MED12L: variants seen among roughly 807,000 people sequenced by gnomAD.
MED12L encodes the protein mediator of RNA polymerase II transcription subunit 12-like protein.
MED12L carries 60 observed loss-of-function variants against 281.3 expected under a neutral mutation model. The observed-to-expected ratio is 0.21, with a 90% CI of 0.17 to 0.26. The LOEUF (loss-of-function observed/expected upper bound fraction) is 0.26. MED12L is among the 10% of genes least tolerant of loss of function. MED12L has a pLI of 1.00. For missense variants in MED12L, 2,146 were observed against 2,680.9 expected (o/e 0.80, Z 4.41); for synonymous variants, 974 against 987.2 (o/e 0.99, Z 0.25).
At chr3:151,294,611 C>T (rs766974525) in intron 16 of MED12L, 1 of 1,614,184 alleles carries the variant, frequency 6.2e-7, no homozygotes, top group South Asian at 1.1e-5. Flanking sequence ...AAACAAGCAG[C>T]TGTTCACATA....
At chr3:151,162,656 T>A (rs1471962609) in intron 8 of MED12L, among the ~76,000 whole-genome samples, 2 of 151,760 alleles carry the variant, frequency 1.3e-5, no homozygotes, top group African/African-American at 4.8e-5. Context: ...CTAGGCTGGT[T>A]TCAAGCTCCT....
chr3:151,179,684 C>T (rs1243337679), intron 11 of MED12L, among the ~76,000 whole-genome samples: 1 of 152,228 alleles, frequency 6.6e-6, no homozygotes, highest in Non-Finnish European at 1.5e-5. Context: ...GGATTTACTG[C>T]TGGTCATGCA....
At chr3:151,368,292 T>A in intron 25 of MED12L, 41 bp downstream of exon 25, 1 of 1,547,512 alleles carries the variant, frequency 6.5e-7, no homozygotes, top group African/African-American at 1.4e-5. Flanking sequence ...TTTTCATTGG[T>A]AGCTAAAGTT....
intron 2 of MED12L, among the ~76,000 whole-genome samples, chr3:151,114,063 C>T (rs897259091): frequency 3.9e-5 from 6 of 152,174 alleles, no homozygotes; most frequent in African/African-American, 1.4e-4. Flanking sequence ...GCTGGTACTC[C>T]TACTTTCTTA....
At chr3:151,325,876 T>C (rs537328527) in intron 16 of MED12L, among the ~76,000 whole-genome samples, 69 of 152,320 alleles carry the variant, frequency 4.5e-4, no homozygotes, top group Middle Eastern at 6.8e-3. Flanking sequence ...ATTTACATGA[T>C]TATAGTCTAT....
intron 5 of MED12L, among the ~76,000 whole-genome samples, chr3:151,152,570 C>G (rs560836821): frequency 5.3e-5 from 8 of 152,220 alleles, no homozygotes; most frequent in Admixed American, 4.6e-4. Context: ...CTATCAGTTT[C>G]CTTTCTACTG....
intron 16 of MED12L, among the ~76,000 whole-genome samples, chr3:151,310,070 A>G (rs1390335211): frequency 6.6e-6 from 1 of 152,174 alleles, no homozygotes; most frequent in African/African-American, 2.4e-5. Flanking sequence ...ACATTTCTGA[A>G]TAGCTCACTG....
chr3:151,435,062 C>CTTTTTTT lies in MED12L; in HGVS notation c.*2272_*2278dup, dbSNP rs66791814. On this transcript the variant is annotated 3_prime_UTR_variant, in exon 45 of 45. Coordinates refer to ENST00000687756, the MANE Select transcript of MED12L (RefSeq NM_001393769.1). ...GTTAATTCTGTATCTTGAGAGGTTT[C>CTTTTTTT]TTTTTTTTTTTTTTTTTTTTCTTTT... 2.5e-3 allele frequency: 297 copies of CTTTTTTT among 118,882 alleles called. 1 individual carries two copies. The highest frequency in any genetic ancestry group is 3.9e-3 in the Non-Finnish European group (222 of 57,114). 7.4% of individuals were successfully genotyped at this position (118,882 alleles called of 1,614,324 possible). A position where few individuals can be genotyped will look rare whatever the true frequency, so the allele number is the denominator to read the frequency against.
intron 16 of MED12L, among the ~76,000 whole-genome samples, chr3:151,279,182 T>C (rs1307026449): frequency 6.6e-6 from 1 of 152,228 alleles, no homozygotes; most frequent in Non-Finnish European, 1.5e-5. Context: ...GACAAGGGGC[T>C]GAAAAGCTTA....
chr3:151,177,067 A>G (rs1181324801), intron 11 of MED12L, among the ~76,000 whole-genome samples: 1 of 152,240 alleles, frequency 6.6e-6, no homozygotes, highest in African/African-American at 2.4e-5. Context: ...GTGATATCAT[A>G]TGAGCATCTG....
chr3:151,299,401 C>CTTTTCTTTTCTTTTCT (rs1559999722), intron 16 of MED12L, among the ~76,000 whole-genome samples: 4 of 7,200 alleles, frequency 5.6e-4, no homozygotes, highest in East Asian at 5.3e-3. Context: ...TTTTCTTTTC[C>CTTTTCTTTTCTTTTCT]CCTCCCCTCC....
intron 39 of MED12L, among the ~76,000 whole-genome samples, chr3:151,408,821 T>C (rs1199960547): frequency 2.0e-5 from 3 of 152,236 alleles, no homozygotes; most frequent in Admixed American, 2.0e-4. Flanking sequence ...GAAGCTTCAT[T>C]AAAAAGTCAT....
chr3:151,429,268 C>T lies in MED12L; in HGVS notation c.6409-1031C>T, dbSNP rs113347841. ...TCACTGTGCTCCTATGCTCCAGTCTCCTGGGAGCACCTCCTCCCCACCTAG... is the reference window on the plus strand; with the variant it reads ...TCACTGTGCTCCTATGCTCCAGTCTTCTGGGAGCACCTCCTCCCCACCTAG... On this transcript the variant is annotated intron_variant, in intron 43 of 44. Transcript: ENST00000687756. Among the ~76,000 whole-genome samples the T allele has an allele frequency of 5.5e-3, 837 of 152,304 alleles. 4 individuals carry two copies. The highest frequency in any genetic ancestry group is 0.013 in the South Asian group (64 of 4,822).
intron 39 of MED12L, among the ~76,000 whole-genome samples, chr3:151,408,706 A>T (rs553772271): frequency 5.5e-4 from 84 of 152,382 alleles, no homozygotes; most frequent in African/African-American, 2.0e-3. Flanking sequence ...CCATTAACTT[A>T]CAAAATTTAT....
chr3:151,120,414 A>C (rs1713577223), intron 3 of MED12L, among the ~76,000 whole-genome samples: 2 of 152,232 alleles, frequency 1.3e-5, no homozygotes, highest in African/African-American at 4.8e-5. Context: ...GTATGAAATA[A>C]CAAATGTGAA....
intron 5 of MED12L, among the ~76,000 whole-genome samples, chr3:151,129,245 A>G (rs1714988987): frequency 6.6e-6 from 1 of 152,168 alleles, no homozygotes; most frequent in African/African-American, 2.4e-5. Flanking sequence ...ATTGGAGCAC[A>G]CTCTAAAAAG....
Position 151,127,806 on chromosome 3 carries a change from C to T in MED12L, c.397-19C>T. The T allele has an allele frequency of 1.3e-6, 2 of 1,528,312 alleles. No homozygotes were observed. Among genetic ancestry groups the T allele is most frequent in the Non-Finnish European group, 1.8e-6 (2 of 1,106,192 alleles). The allele number at this position is 1,528,312 out of a possible 1,614,324, so 94.7% of individuals were successfully genotyped here. On this transcript the variant is annotated intron_variant, in intron 4 of 44. Transcript: ENST00000687756. ...ACAGTACGTGATTATTATAAATATA[C>T]TATGTTGTTTCTTTTTAGGTTCCTA...
At chr3:151,104,142 G>A (rs920307623) in intron 2 of MED12L, among the ~76,000 whole-genome samples, 1 of 152,100 alleles carries the variant, frequency 6.6e-6, no homozygotes, top group African/African-American at 2.4e-5. Flanking sequence ...ATTTGGATGG[G>A]GGTGAATGCT....
chr3:151,126,352 G>T (rs1267467557), intron 4 of MED12L, among the ~76,000 whole-genome samples: 2 of 152,092 alleles, frequency 1.3e-5, no homozygotes, highest in East Asian at 3.8e-4. Context: ...CCTATATGCT[G>T]CATCTTACTG....
Sources: gnomAD v4.1 joint callset for allele counts (sites outside exome capture counted in the v4.1 genomes callset) on GRCh38, gnomAD v4.1.1 for gene constraint, MANE v1.5 for transcripts, NCBI Gene and HGNC (gene_info 2026-07-23, HGNC 2026-07-21) for gene names.